The following WDR27 variants were observed in gnomAD, a reference collection of about 807,000 sequenced individuals.
WDR27 encodes WD repeat domain 27.
A neutral mutation model predicts 114.4 loss-of-function variants in WDR27; 100 were observed. That is an observed-to-expected ratio of 0.87 (90% CI 0.74 to 1.03). The LOEUF (loss-of-function observed/expected upper bound fraction) is 1.03, where lower values mean the gene tolerates loss of function less well. WDR27 is among the 50% of genes least tolerant of loss of function. The pLI is 0.00. For synonymous variants in WDR27, 449 were observed against 423.1 expected (o/e 1.06, Z -0.75); for missense variants, 1,129 against 1,092.9 (o/e 1.03, Z -0.47).
chr6:169,464,994 T>C (rs1005792181), intron 25 of WDR27, among the ~76,000 whole-genome samples: 5 of 151,646 alleles, frequency 3.3e-5, no homozygotes, highest in Non-Finnish European at 5.9e-5. Flanking sequence ...TGGGGGCGCA[T>C]GCCTGTAATC....
rs986705414 is a variant in WDR27 at position 169,636,357 on chromosome 6, C to T, written c.2003+14G>A. 8 of 1,612,678 alleles carry T rather than the reference C, an allele frequency of 5.0e-6. No homozygotes were observed. The highest frequency in any genetic ancestry group is 4.5e-5 in the East Asian group (2 of 44,850). On this transcript the variant is annotated intron_variant, in intron 19 of 25. Coordinates refer to ENST00000448612, the MANE Select transcript of WDR27 (RefSeq NM_182552.5). Reference sequence around the variant, plus strand: ...TGTGATCTAAAAATAATGCACAGGGCGGGGGGTGCCTACCTCTTAATCTCA... The same window carrying T: ...TGTGATCTAAAAATAATGCACAGGGTGGGGGGTGCCTACCTCTTAATCTCA...
chr6:169,450,474 G>A, the WDR27 span, among the ~76,000 whole-genome samples: 1 of 152,196 alleles, frequency 6.6e-6, no homozygotes, highest in Non-Finnish European at 1.5e-5. Flanking sequence ...GCCTGTCACG[G>A]CCCTCACCCA....
chr6:169,670,752 C>T, intron 3 of WDR27, 59 bp from the exon 4 acceptor site: 1 of 1,594,490 alleles, frequency 6.3e-7, no homozygotes, highest in Admixed American at 1.7e-5. Flanking sequence ...TTACATTAAT[C>T]TGAGAAAAGT....
In WDR27 at chr6:169,659,093, G is replaced by C. The variant is rs765396608; in HGVS notation, c.1312C>G (p.Pro438Ala). ...CPSMGQSLSV[P>A]ASSCVLPTSP... ...CACTTGAAGACACTCTACCTGGCTGGCACCGAGAGGCTCTGCCCCATGCTG... is the reference window on the plus strand; with the variant it reads ...CACTTGAAGACACTCTACCTGGCTGCCACCGAGAGGCTCTGCCCCATGCTG... The change falls in exon 12 of 26, where the codon CCA becomes GCA. Residue 438 changes from proline to alanine, a missense_variant. Transcript: ENST00000448612. This position sits in a 1 kb window ranked among gnomAD's most constrained non-coding sequence, Gnocchi z 4.3. The C allele has an allele frequency of 3.8e-5, 59 of 1,554,858 alleles. 1 individual carries two copies. The South Asian group carries it at 6.8e-4, about 18-fold the overall frequency.
At chr6:169,598,010 A>G (rs1337809031) in intron 23 of WDR27, among the ~76,000 whole-genome samples, 2 of 151,794 alleles carry the variant, frequency 1.3e-5, no homozygotes, top group Non-Finnish European at 2.9e-5. Flanking sequence ...AAAAGTACCT[A>G]CAGAATGTGA....
At chr6:169,429,636 G>A in the WDR27 span, among the ~76,000 whole-genome samples, 16 of 151,988 alleles carry the variant, frequency 1.1e-4, no homozygotes, top group South Asian at 4.1e-4. Flanking sequence ...TTCTTATCCC[G>A]CTTTGCTAAA....
chr6:169,571,879 G>A (rs1257215240), intron 25 of WDR27, among the ~76,000 whole-genome samples: 1 of 152,104 alleles, frequency 6.6e-6, no homozygotes, highest in Admixed American at 6.5e-5. Flanking sequence ...CAAAGAGCAG[G>A]GGAGGTTTGG....
intron 25 of WDR27, among the ~76,000 whole-genome samples, chr6:169,545,361 T>C (rs2128097446): frequency 6.6e-6 from 1 of 152,298 alleles, no homozygotes; most frequent in East Asian, 1.9e-4. Flanking sequence ...TTTTTATACT[T>C]TGCACCAAAG....
rs182161821 is a variant in WDR27, at chr6:169,670,551, C to T, written c.456+18G>A. ...CAGCTAAACCCTTCCGTGAAATCCA[C>T]GTGAATTTCAATCTTACCTCAATAT... On this transcript the variant is annotated intron_variant, in intron 4 of 25. Coordinates refer to ENST00000448612, the MANE Select transcript of WDR27 (RefSeq NM_182552.5). 2.6e-5 allele frequency: 42 copies of T among 1,613,890 alleles called. No individual in the cohort carries two copies. The East Asian group carries it at 3.1e-4, about 12-fold the overall frequency.
At chr6:169,516,835 A>ACACACACACACACACC (rs1491176990) in intron 25 of WDR27, among the ~76,000 whole-genome samples, 4 of 144,554 alleles carry the variant, frequency 2.8e-5, no homozygotes, top group African/African-American at 1.1e-4. Flanking sequence ...ACACACACAC[A>ACACACACACACACACC]CCCCTCCCTT....
intron 16 of WDR27, among the ~76,000 whole-genome samples, chr6:169,644,369 A>G (rs1358940011): frequency 1.3e-5 from 2 of 151,678 alleles, no homozygotes; most frequent in Admixed American, 1.3e-4. Flanking sequence ...CATACGAGTC[A>G]CACTGTAGAA....
intron 24 of WDR27, among the ~76,000 whole-genome samples, chr6:169,578,054 C>T (rs1257845627): frequency 6.6e-6 from 1 of 152,162 alleles, no homozygotes; most frequent in Non-Finnish European, 1.5e-5. Flanking sequence ...TCTGGAAACG[C>T]GTTTCTCTAA....
chr6:169,471,483 C>T (rs73789958), intron 25 of WDR27, among the ~76,000 whole-genome samples: 4,655 of 152,024 alleles, frequency 0.031, 217 homozygotes, highest in African/African-American at 0.1. Flanking sequence ...TAAAAACCAT[C>T]AAGAAAAAGG....
chr6:169,615,472 A>G lies in WDR27; in HGVS notation c.2224-1816T>C, dbSNP rs914505971. On this transcript the variant is annotated intron_variant, in intron 21 of 25. Transcript: ENST00000448612. ...AGCTCAAAATAGCACAGTATTGATA[A>G]TAAAGCCACATACCTACGACCGACT... 2.0e-5 allele frequency among the ~76,000 whole-genome samples: 3 copies of G among 152,176 alleles called. No individual in the cohort carries two copies. In the East Asian group the frequency reaches 5.8e-4, roughly 29 times the overall value.
At chr6:169,533,166 T>A (rs1795794584) in intron 25 of WDR27, among the ~76,000 whole-genome samples, 1 of 151,876 alleles carries the variant, frequency 6.6e-6, no homozygotes, top group African/African-American at 2.4e-5. Flanking sequence ...AAGATGAGGA[T>A]TAGCAAGGGA....
intron 21 of WDR27, among the ~76,000 whole-genome samples, chr6:169,629,604 G>T (rs1815776160): frequency 6.6e-6 from 1 of 152,176 alleles, no homozygotes; most frequent in Non-Finnish European, 1.5e-5. Flanking sequence ...AGCAGCAAGT[G>T]TCAGAAAGCA....
At chr6:169,554,475 A>C (rs1193681186) in intron 25 of WDR27, among the ~76,000 whole-genome samples, 3 of 152,230 alleles carry the variant, frequency 2.0e-5, no homozygotes, top group Non-Finnish European at 4.4e-5. Flanking sequence ...TCTTTATATA[A>C]ATCATTGCTG....
chr6:169,664,029 T>C, intron 8 of WDR27, 137 bp downstream of exon 8: 1 of 815,638 alleles, frequency 1.2e-6, no homozygotes, highest in Non-Finnish European at 1.8e-6. Flanking sequence ...GCCTCAGTGG[T>C]TTTCTGAGGT....
chr6:169,565,294 TA>T (rs1358921541), intron 25 of WDR27, among the ~76,000 whole-genome samples: 1 of 152,232 alleles, frequency 6.6e-6, no homozygotes, highest in Non-Finnish European at 1.5e-5. Context: ...ATACCAAGAT[TA>T]AACTTTAGTC....
Sources: gnomAD v4.1 joint callset for allele counts (sites outside exome capture counted in the v4.1 genomes callset) on GRCh38, gnomAD v4.1.1 for gene constraint, Gnocchi (gnomAD v3.1) non-coding constraint, MANE v1.5 for transcripts, NCBI Gene and HGNC (gene_info 2026-07-23, HGNC 2026-07-21) for gene names.